Variants in PAK5 observed in about 807,000 individuals in gnomAD.
The protein encoded by PAK5 is p21 (RAC1) activated kinase 5.
In PAK5, 16 loss-of-function variants were observed where a neutral mutation model predicts 65.9. That is an observed-to-expected ratio of 0.24 (90% CI 0.16 to 0.37). The LOEUF (loss-of-function observed/expected upper bound fraction) is 0.37, where lower values mean the gene tolerates loss of function less well. Ranked by LOEUF, PAK5 falls within the 10% of genes least tolerant of loss-of-function variation. The probability of loss-of-function intolerance (pLI) is 1.00; values close to 1 mark genes in which losing one functional copy is unlikely to be tolerated. For missense variants in PAK5, 785 were observed against 903.9 expected (o/e 0.87, Z 1.69); for synonymous variants, 371 against 354.9 (o/e 1.05, Z -0.51).
At chr20:9,724,188 A>T (rs529989601) in intron 1 of PAK5, among the ~76,000 whole-genome samples, 12 of 152,262 alleles carry the variant, frequency 7.9e-5, no homozygotes, top group Middle Eastern at 3.4e-3. Context: ...ATCCAAAAAA[A>T]TTTTTTTTAA....
chr20:9,600,142 G>GAA (rs2046336235), intron 3 of PAK5, among the ~76,000 whole-genome samples: 1 of 152,120 alleles, frequency 6.6e-6, no homozygotes, highest in African/African-American at 2.4e-5. Context: ...TTGCCTTGTG[G>GAA]AAAAGCATCT....
chr20:9,683,860 G>A (rs976129342), intron 2 of PAK5, among the ~76,000 whole-genome samples: 1 of 152,118 alleles, frequency 6.6e-6, no homozygotes, highest in African/African-American at 2.4e-5. Context: ...CTGGGATATG[G>A]TCATGTGACT....
At chr20:9,820,839 A>G (rs143181309) in intron 1 of PAK5, among the ~76,000 whole-genome samples, 1 of 140,350 alleles carries the variant, frequency 7.1e-6, no homozygotes, top group East Asian at 2.0e-4. Context: ...AATGAGAACC[A>G]GGGAAGAGCA....
chr20:9,831,824 A>C (rs979467714), intron 1 of PAK5, among the ~76,000 whole-genome samples: 2 of 152,128 alleles, frequency 1.3e-5, no homozygotes, highest in African/African-American at 4.8e-5. Context: ...ATTTTTTAAA[A>C]TTTGGAAAAG....
At chr20:9,773,181 T>G (rs1278060477) in intron 1 of PAK5, among the ~76,000 whole-genome samples, 1 of 152,162 alleles carries the variant, frequency 6.6e-6, no homozygotes, top group African/African-American at 2.4e-5. Context: ...CCATCTCCAC[T>G]TGAATAATCA....
At chr20:9,724,747 G>T (rs1219012647) in intron 1 of PAK5, among the ~76,000 whole-genome samples, 1 of 152,070 alleles carries the variant, frequency 6.6e-6, no homozygotes, top group African/African-American at 2.4e-5. Flanking sequence ...GCTTCCAGGA[G>T]TTCTCCAGCA....
intron 1 of PAK5, among the ~76,000 whole-genome samples, chr20:9,827,547 TA>T (rs1245567522): frequency 1.5e-5 from 2 of 131,206 alleles, no homozygotes; most frequent in Non-Finnish European, 3.1e-5. Context: ...AGAAGGAAGC[TA>T]AAAAAAAATC....
chr20:9,652,845 T>C (rs1225084750), intron 2 of PAK5, among the ~76,000 whole-genome samples: 1 of 152,242 alleles, frequency 6.6e-6, no homozygotes, highest in African/African-American at 2.4e-5. Flanking sequence ...TTTGTCCTTC[T>C]CTACTTCTGT....
rs78885553 is a variant in PAK5 at position 9,662,227 on chromosome 20, T to G, written c.-11-17888A>C. On this transcript the variant is annotated intron_variant, in intron 2 of 9. Transcript: ENST00000353224. The stretch of plus-strand genomic sequence containing the variant: ...ATTTCCAACTGTGATCACTTCTTGG[T>G]CATCTTTTCTAAGATAACATGATGA... Among the ~76,000 whole-genome samples, 394 of 152,304 alleles carry G rather than the reference T, an allele frequency of 2.6e-3. 1 individual carries two copies. Among genetic ancestry groups the G allele is most frequent in the African/African-American group, 9.2e-3 (382 of 41,564 alleles).
At chr20:9,720,243 A>G (rs529658386) in intron 1 of PAK5, among the ~76,000 whole-genome samples, 6 of 152,182 alleles carry the variant, frequency 3.9e-5, no homozygotes, top group Admixed American at 6.5e-5. Flanking sequence ...CAAGGGTTCC[A>G]TGAATCTGGA....
intron 1 of PAK5, among the ~76,000 whole-genome samples, chr20:9,725,206 G>A (rs1041828347): frequency 2.6e-5 from 4 of 152,076 alleles, no homozygotes; most frequent in Non-Finnish European, 5.9e-5. Context: ...TGCAACATGG[G>A]TGCAACTATG....
In PAK5 at chr20:9,655,395, A is replaced by C. The variant is rs1395498108; in HGVS notation, c.-11-11056T>G. On this transcript the variant is annotated intron_variant, in intron 2 of 9. Transcript: ENST00000353224. ...ATAAACATAAGACCACTCTAAGTAC[A>C]TTGTGTGGGACTTGCTTTTTTTTTT... Among the ~76,000 whole-genome samples the C allele has an allele frequency of 1.1e-4, 16 of 151,124 alleles. No homozygotes were observed. The East Asian group carries it at 3.1e-3, about 29-fold the overall frequency.
intron 3 of PAK5, among the ~76,000 whole-genome samples, chr20:9,631,183 C>T (rs1311546632): frequency 1.3e-5 from 2 of 152,154 alleles, no homozygotes; most frequent in Non-Finnish European, 2.9e-5. Context: ...GGTGACCCCT[C>T]AATGATTCCC....
intron 1 of PAK5, among the ~76,000 whole-genome samples, chr20:9,765,051 A>G (rs1293397786): frequency 6.6e-6 from 1 of 152,164 alleles, no homozygotes; most frequent in Non-Finnish European, 1.5e-5. Flanking sequence ...TATAACCCTC[A>G]CCTGTCTCCT....
intron 1 of PAK5, among the ~76,000 whole-genome samples, chr20:9,832,093 C>A (rs1340243342): frequency 6.6e-6 from 1 of 151,700 alleles, no homozygotes; most frequent in Non-Finnish European, 1.5e-5. Flanking sequence ...ACCTTAAATA[C>A]CTTTACCAAG....
intron 1 of PAK5, among the ~76,000 whole-genome samples, chr20:9,758,817 G>C (rs1286775284): frequency 6.6e-6 from 1 of 152,142 alleles, no homozygotes; most frequent in Non-Finnish European, 1.5e-5. Flanking sequence ...AAATGCCTCT[G>C]TGACATCCAC....
In PAK5 at chr20:9,746,204, C is replaced by T. The variant is rs568460474; in HGVS notation, c.-161-34769G>A. ...TAGACTTCATACAGCCATAGCCCTG[C>T]CCTGCCCCACACACCCTGGACACCT... On this transcript the variant is annotated intron_variant, in intron 1 of 9. Transcript: ENST00000353224. Among the ~76,000 whole-genome samples, 4 of 152,220 alleles carry T rather than the reference C, an allele frequency of 2.6e-5. No homozygotes were observed. In the South Asian group the frequency reaches 8.3e-4, roughly 32 times the overall value.
At chr20:9,562,802 C>A in intron 6 of PAK5, 89 bp downstream of exon 6, 7 of 1,234,282 alleles carry the variant, frequency 5.7e-6, no homozygotes, top group Middle Eastern at 2.1e-4. Flanking sequence ...AAAGTGCCTG[C>A]AATTTATGAA....
At chr20:9,540,342 T>G (rs2045240917) in intron 9 of PAK5, among the ~76,000 whole-genome samples, 1 of 152,206 alleles carries the variant, frequency 6.6e-6, no homozygotes, top group Admixed American at 6.5e-5. Flanking sequence ...TTTCTACCAC[T>G]CTAGGAAGCT....
Sources: allele counts gnomAD v4.1 joint callset (sites outside exome capture counted in the v4.1 genomes callset), GRCh38; gene constraint gnomAD v4.1.1; transcripts MANE v1.5; gene names NCBI Gene and HGNC (gene_info 2026-07-23, HGNC 2026-07-21).